MEI4: variants seen among roughly 807,000 people sequenced by gnomAD.
MEI4 encodes meiotic double-stranded break formation protein 4, also known as meiosis-specific protein MEI4.
In MEI4, 27 loss-of-function variants were observed where a neutral mutation model predicts 31.4. The observed-to-expected ratio is 0.86, with a 90% confidence interval of 0.63 to 1.19. The LOEUF is 1.19. MEI4 is among the 50% of genes most tolerant of loss of function. The probability of loss-of-function intolerance (pLI) is 0.00; values close to 1 mark genes in which losing one functional copy is unlikely to be tolerated. For synonymous variants in MEI4, 122 were observed against 145.4 expected, an observed-to-expected ratio of 0.84 and a Z score of 1.16; for missense variants, 329 against 398.9, an observed-to-expected ratio of 0.82 and a Z score of 1.49.
chr6:77,923,209 C>G lies in MEI4; in HGVS notation c.1021C>G (p.Gln341Glu). ...GNTSSIGHDD[Q>E]EIKKFLQKHD... is the part of the protein sequence containing the mutation. ...CACTTCAAGTATAGGTCATGATGAC[C>G]AAGAAATCAAGAAATTTCTTCAGAA... The change falls in exon 5 of 5, where the codon CAA becomes GAA. Residue 341 changes from glutamine to glutamate, a missense_variant. Coordinates refer to ENST00000684080, the MANE Select transcript of MEI4 (RefSeq NM_001322247.2). 1 of 1,230,464 alleles carries G rather than the reference C, an allele frequency of 8.1e-7. No homozygotes were observed. Among genetic ancestry groups the G allele is most frequent in the Non-Finnish European group, 1.0e-6 (1 of 986,914 alleles). The allele number at this position is 1,230,464 out of a possible 1,614,324, so 76.2% of individuals were successfully genotyped here.
Position 77,877,522 on chromosome 6 carries a change from A to C in MEI4, c.901-45567A>C, listed in dbSNP as rs181937601. On this transcript the variant is annotated intron_variant, in intron 4 of 4. Transcript: ENST00000684080. ...GATTTTCTGACACTTAGATTTTCCA[A>C]CCTTTTTGACTCACATACGTATCTA... 5.3e-4 allele frequency among the ~76,000 whole-genome samples: 81 copies of C among 152,098 alleles called. No individual in the cohort carries two copies. In the East Asian group the frequency reaches 7.8e-3, roughly 15 times the overall value.
At chr6:77,817,023 A>ATGTGTG (rs111311534) in intron 3 of MEI4, among the ~76,000 whole-genome samples, 3 of 149,160 alleles carry the variant, frequency 2.0e-5, no homozygotes, top group African/African-American at 2.5e-5. Flanking sequence ...GTGTGTGTGT[A>ATGTGTG]TGTGTGTGTG....
chr6:77,828,509 C>A (rs72898587), intron 3 of MEI4, among the ~76,000 whole-genome samples: 2 of 152,112 alleles, frequency 1.3e-5, no homozygotes, highest in South Asian at 2.1e-4. Context: ...ACCCTGCCCC[C>A]CTTCCATGGA....
At chr6:77,781,487 A>G (rs1768595943) in intron 3 of MEI4, among the ~76,000 whole-genome samples, 1 of 152,152 alleles carries the variant, frequency 6.6e-6, no homozygotes, top group Non-Finnish European at 1.5e-5. Flanking sequence ...AGAAATGCAG[A>G]ATCTCAAACC....
At chr6:77,769,771 A>G (rs1165512168) in intron 3 of MEI4, among the ~76,000 whole-genome samples, 3 of 152,120 alleles carry the variant, frequency 2.0e-5, no homozygotes, top group African/African-American at 7.2e-5. Flanking sequence ...ATTGCCTTGA[A>G]GGGAAGGGCC....
chr6:77,678,392 G>A (rs1029611789), intron 1 of MEI4, among the ~76,000 whole-genome samples: 19 of 152,166 alleles, frequency 1.2e-4, no homozygotes, highest in Non-Finnish European at 2.2e-4. Context: ...AGGAAGGCAA[G>A]TTCTGATTGG....
intron 2 of MEI4, among the ~76,000 whole-genome samples, chr6:77,741,827 T>A (rs1161813268): frequency 7.2e-6 from 1 of 139,072 alleles, no homozygotes; most frequent in Non-Finnish European, 1.5e-5. Context: ...TGTCCATGTG[T>A]TCTCATTGTT....
At chr6:77,876,480 A>C (rs1241637465) in intron 4 of MEI4, among the ~76,000 whole-genome samples, 1 of 152,120 alleles carries the variant, frequency 6.6e-6, no homozygotes, top group Non-Finnish European at 1.5e-5. Flanking sequence ...GTGCTCCTGG[A>C]CTTCCCAGCC....
chr6:77,864,732 T>C (rs1273869103), intron 4 of MEI4, among the ~76,000 whole-genome samples: 2 of 152,146 alleles, frequency 1.3e-5, no homozygotes, highest in African/African-American at 4.8e-5. Flanking sequence ...TAAGCAGACC[T>C]AATAGACATC....
intron 1 of MEI4, among the ~76,000 whole-genome samples, chr6:77,667,983 G>A (rs370684637): frequency 1.4e-3 from 216 of 150,150 alleles, no homozygotes; most frequent in African/African-American, 5.1e-3. Flanking sequence ...CTTATAATTT[G>A]TTTCTCCATT....
chr6:77,805,449 A>G (rs1769405222), intron 3 of MEI4, among the ~76,000 whole-genome samples: 1 of 152,142 alleles, frequency 6.6e-6, no homozygotes, highest in African/African-American at 2.4e-5. Flanking sequence ...TTTATGTAAG[A>G]TCAACTTAAG....
chr6:77,918,174 T>G (rs1429417038), intron 4 of MEI4, among the ~76,000 whole-genome samples: 1 of 151,894 alleles, frequency 6.6e-6, no homozygotes, highest in African/African-American at 2.4e-5. Context: ...ACTGTAGCCT[T>G]GTAGTATAGT....
chr6:77,850,998 A>G (rs904825505), intron 4 of MEI4, among the ~76,000 whole-genome samples: 8 of 152,224 alleles, frequency 5.3e-5, no homozygotes, highest in African/African-American at 1.9e-4. Flanking sequence ...ACACTTCTCA[A>G]AAGAAGACAT....
At chr6:77,682,331 C>T (rs1379011567) in intron 1 of MEI4, among the ~76,000 whole-genome samples, 1 of 152,174 alleles carries the variant, frequency 6.6e-6, no homozygotes, top group Non-Finnish European at 1.5e-5. Flanking sequence ...CTGGTTTTCT[C>T]CCTTATAGCT....
At chr6:77,841,333 A>ATTT (rs1239589008) in intron 4 of MEI4, among the ~76,000 whole-genome samples, 17 of 27,738 alleles carry the variant, frequency 6.1e-4, no homozygotes, top group Non-Finnish European at 7.3e-4. Flanking sequence ...ATATATATAT[A>ATTT]TTTTTTTTTT....
chr6:77,734,539 G>T (rs543461091), intron 2 of MEI4, among the ~76,000 whole-genome samples: 4 of 151,932 alleles, frequency 2.6e-5, no homozygotes, highest in Non-Finnish European at 4.4e-5. Context: ...GTCTCTGCAC[G>T]TGAGATGGGT....
intron 3 of MEI4, among the ~76,000 whole-genome samples, chr6:77,822,618 C>G (rs1307773956): frequency 6.7e-6 from 1 of 149,918 alleles, no homozygotes; most frequent in Admixed American, 6.7e-5. Flanking sequence ...GGATACCCCC[C>G]CCCCCTTTTT....
At chr6:77,682,639 A>G (rs1768980143) in intron 1 of MEI4, among the ~76,000 whole-genome samples, 1 of 152,186 alleles carries the variant, frequency 6.6e-6, no homozygotes, top group Admixed American at 6.5e-5. Context: ...GAGTTGGCCA[A>G]GTAGCCCTGT....
At chr6:77,747,136 A>G (rs1257307628) in intron 2 of MEI4, among the ~76,000 whole-genome samples, 2 of 151,990 alleles carry the variant, frequency 1.3e-5, no homozygotes, top group African/African-American at 4.8e-5. Flanking sequence ...ACATGGTGAA[A>G]CCTCATCTCT....
Sources: gnomAD v4.1 joint callset for allele counts (sites outside exome capture counted in the v4.1 genomes callset) on GRCh38, gnomAD v4.1.1 for gene constraint, MANE v1.5 for transcripts, NCBI Gene and HGNC (gene_info 2026-07-23, HGNC 2026-07-21) for gene names.